Variants in FUT9 observed in about 807,000 individuals in gnomAD.
FUT9 encodes 4-galactosyl-N-acetylglucosaminide 3-alpha-L-fucosyltransferase 9.
A neutral mutation model predicts 29.7 loss-of-function variants in FUT9; 15 were observed. The ratio of observed to expected loss-of-function variants is 0.51; its 90% CI spans 0.34 to 0.78. The LOEUF (loss-of-function observed/expected upper bound fraction) is 0.78, where lower values mean the gene tolerates loss of function less well. FUT9 is among the 30% of genes least tolerant of loss of function. FUT9 has a pLI of 0.01. For synonymous variants in FUT9, 169 were observed against 153.7 expected (o/e 1.10, Z -0.74); for missense variants, 319 against 425.4 (o/e 0.75, Z 2.20).
chr6:96,022,172 C>A (rs1770080923), intron 1 of FUT9, among the ~76,000 whole-genome samples: 1 of 151,978 alleles, frequency 6.6e-6, no homozygotes, highest in Non-Finnish European at 1.5e-5. Flanking sequence ...AACGATGTTT[C>A]ACTGCCCTGA....
In FUT9 at chr6:96,016,111, C is replaced by A; in HGVS notation, c.-199C>A. The A allele has an allele frequency of 6.5e-6, 1 of 154,404 alleles. No individual in the cohort carries two copies. Among genetic ancestry groups the A allele is most frequent in the South Asian group, 2.0e-4 (1 of 5,014 alleles). 9.6% of individuals were successfully genotyped at this position (154,404 alleles called of 1,614,324 possible). A position where few individuals can be genotyped will look rare whatever the true frequency, so the allele number is the denominator to read the frequency against. ...TGCCTCGGTGTCCCCCAGCCCCAGT[C>A]GCGCTCTTAGGACAGCGCCGCCACC... is the stretch of plus-strand genomic sequence containing the variant. On this transcript the variant is annotated 5_prime_UTR_variant, in exon 1 of 3. The change creates a premature stop within an existing upstream ORF in the 5' untranslated region. Transcript: ENST00000302103.
At chr6:96,180,618 CT>C (rs1773288552) in intron 2 of FUT9, among the ~76,000 whole-genome samples, 1 of 152,142 alleles carries the variant, frequency 6.6e-6, no homozygotes, top group African/African-American at 2.4e-5. Flanking sequence ...GGCTATCCCC[CT>C]GCCACCAACA....
chr6:96,103,073 A>C (rs1771615718), intron 1 of FUT9, among the ~76,000 whole-genome samples: 1 of 152,200 alleles, frequency 6.6e-6, no homozygotes, highest in South Asian at 2.1e-4. Context: ...TCAGGACTTC[A>C]GCATCAGCTA....
intron 1 of FUT9, among the ~76,000 whole-genome samples, chr6:96,058,921 A>G (rs1045679888): frequency 6.6e-6 from 1 of 152,180 alleles, no homozygotes; most frequent in Non-Finnish European, 1.5e-5. Flanking sequence ...CCTCTTTTAT[A>G]TTGGGACTAA....
chr6:96,167,032 C>A (rs1447666361), intron 2 of FUT9, among the ~76,000 whole-genome samples: 1 of 152,076 alleles, frequency 6.6e-6, no homozygotes, highest in African/African-American at 2.4e-5. Context: ...ACCATGGATA[C>A]AGGGGGTTGA....
chr6:96,089,687 G>T (rs112006187), intron 1 of FUT9, among the ~76,000 whole-genome samples: 1 of 152,098 alleles, frequency 6.6e-6, no homozygotes. Flanking sequence ...AGGCATGAAC[G>T]CCTTTCTATC....
At chr6:96,072,367 T>TA (rs913533030) in intron 1 of FUT9, among the ~76,000 whole-genome samples, 2 of 152,178 alleles carry the variant, frequency 1.3e-5, no homozygotes, top group African/African-American at 4.8e-5. Flanking sequence ...ACTAATGATG[T>TA]AAAAAATTGT....
intron 2 of FUT9, among the ~76,000 whole-genome samples, chr6:96,144,741 C>A (rs1242284173): frequency 1.3e-5 from 2 of 152,094 alleles, no homozygotes; most frequent in African/African-American, 4.8e-5. Context: ...CAAAGATGCA[C>A]TTCAATAATT....
chr6:96,206,304 C>A lies in FUT9; in HGVS notation c.*2069C>A, dbSNP rs888964501. 1.8e-5 allele frequency: 3 copies of A among 167,018 alleles called. No homozygotes were observed. Among genetic ancestry groups the A allele is most frequent in the African/African-American group, 7.2e-5 (3 of 41,418 alleles). 10.3% of individuals were successfully genotyped at this position (167,018 alleles called of 1,614,324 possible). Reference sequence around the variant, plus strand: ...AGAAATAATATTTTTATGTGGATGTCCTCCTCAATAAGTAAAGATCTCCAT... The same window carrying A: ...AGAAATAATATTTTTATGTGGATGTACTCCTCAATAAGTAAAGATCTCCAT... On this transcript the variant is annotated 3_prime_UTR_variant, in exon 3 of 3. Coordinates refer to ENST00000302103, the MANE Select transcript of FUT9 (RefSeq NM_006581.4).
At chr6:96,199,180 C>CTATA in intron 2 of FUT9, among the ~76,000 whole-genome samples, 1 of 152,232 alleles carries the variant, frequency 6.6e-6, no homozygotes, top group South Asian at 2.1e-4. Flanking sequence ...CTCTGGTGAG[C>CTATA]TATAGTAACA....
At chr6:96,023,015 G>T (rs1770102077) in intron 1 of FUT9, among the ~76,000 whole-genome samples, 1 of 151,838 alleles carries the variant, frequency 6.6e-6, no homozygotes, top group Admixed American at 6.6e-5. Context: ...TTAGGGATGT[G>T]GGACCCCAAA....
chr6:96,148,712 A>C (rs1772619191), intron 2 of FUT9, among the ~76,000 whole-genome samples: 2 of 152,192 alleles, frequency 1.3e-5, no homozygotes, highest in Admixed American at 1.3e-4. Flanking sequence ...ATTTTTAAAA[A>C]GTGGCCACTC....
chr6:96,044,668 C>T (rs949952795), intron 1 of FUT9, among the ~76,000 whole-genome samples: 3 of 152,106 alleles, frequency 2.0e-5, no homozygotes, highest in African/African-American at 7.2e-5. Context: ...GATTTAAACA[C>T]AGCTGAAATT....
intron 2 of FUT9, among the ~76,000 whole-genome samples, chr6:96,172,682 G>A (rs1582284094): frequency 6.6e-6 from 1 of 151,814 alleles, no homozygotes; most frequent in Non-Finnish European, 1.5e-5. Flanking sequence ...AACACTAAAA[G>A]TTTAAGGCTG....
intron 1 of FUT9, among the ~76,000 whole-genome samples, chr6:96,093,569 A>T (rs1337157663): frequency 2.0e-5 from 3 of 152,166 alleles, no homozygotes; most frequent in Non-Finnish European, 4.4e-5. Context: ...AATAAATTAA[A>T]TTGTATTAAG....
chr6:96,017,815 GGAGA>G (rs1241538513), intron 1 of FUT9, among the ~76,000 whole-genome samples: 5 of 152,152 alleles, frequency 3.3e-5, no homozygotes, highest in Non-Finnish European at 2.9e-5. Context: ...TGCAGTTGGT[GGAGA>G]GAGATGTATG....
chr6:96,173,818 A>G (rs1462720373), intron 2 of FUT9, among the ~76,000 whole-genome samples: 2 of 152,032 alleles, frequency 1.3e-5, no homozygotes. Context: ...ATCTGCTGCT[A>G]TCTTCTTACA....
At chr6:96,166,675 G>A (rs916695901) in intron 2 of FUT9, among the ~76,000 whole-genome samples, 3 of 152,084 alleles carry the variant, frequency 2.0e-5, no homozygotes, top group South Asian at 4.2e-4. Context: ...AATGTATGTC[G>A]CACTACATAG....
At chr6:96,074,685 C>A (rs2127948618) in intron 1 of FUT9, among the ~76,000 whole-genome samples, 1 of 152,186 alleles carries the variant, frequency 6.6e-6, no homozygotes, top group East Asian at 1.9e-4. Context: ...AGAAAAATTA[C>A]CTTTATCTCT....
Sources: gnomAD v4.1 joint callset for allele counts (sites outside exome capture counted in the v4.1 genomes callset) on GRCh38, gnomAD v4.1.1 for gene constraint, MANE v1.5 for transcripts, NCBI Gene and HGNC (gene_info 2026-07-23, HGNC 2026-07-21) for gene names.